MAN1C1: variants seen among roughly 807,000 people sequenced by gnomAD.
MAN1C1 encodes mannosyl-oligosaccharide 1,2-alpha-mannosidase IC.
MAN1C1 carries 49 observed loss-of-function variants against 71.5 expected under a neutral mutation model. The observed-to-expected ratio is 0.69, with a 90% confidence interval of 0.54 to 0.87. The LOEUF (loss-of-function observed/expected upper bound fraction) is 0.87, where lower values mean the gene tolerates loss of function less well. MAN1C1 is among the 40% of genes least tolerant of loss of function. MAN1C1 has a pLI of 0.00. For missense variants in MAN1C1, 743 were observed against 835.0 expected, an observed-to-expected ratio of 0.89 and a Z score of 1.36; for synonymous variants, 352 against 343.7, an observed-to-expected ratio of 1.02 and a Z score of -0.27.
intron 1 of MAN1C1, among the ~76,000 whole-genome samples, chr1:25,685,626 A>G (rs985099915): frequency 6.6e-6 from 1 of 152,248 alleles, no homozygotes; most frequent in African/African-American, 2.4e-5. Flanking sequence ...GCTGCCTTGC[A>G]TAGTAAGAAC....
intron 5 of MAN1C1, among the ~76,000 whole-genome samples, chr1:25,754,773 C>A (rs779387795): frequency 2.6e-5 from 4 of 152,180 alleles, no homozygotes; most frequent in Non-Finnish European, 2.9e-5. Flanking sequence ...CCAGCCCTTC[C>A]CTAGGTCTCT....
At position 25,751,205 on chromosome 1, in the gene MAN1C1, G is replaced by A. The variant is rs74792343; in HGVS notation, c.834+1870G>A. Among the ~76,000 whole-genome samples, 813 of 102,904 alleles carry A rather than the reference G, an allele frequency of 7.9e-3. 10 individuals carry two copies. Among genetic ancestry groups the A allele is most frequent in the African/African-American group, 0.025 (751 of 29,888 alleles). The allele number at this position is 102,904 out of a possible 152,430, so 67.5% of individuals were successfully genotyped here. ...CTTCTGTCTTATCTTCCTTCCATTCGTCTTTCCTTCCTTCCTTCCTTCCTT... is the reference window on the plus strand; with the variant it reads ...CTTCTGTCTTATCTTCCTTCCATTCATCTTTCCTTCCTTCCTTCCTTCCTT... On this transcript the variant is annotated intron_variant, in intron 4 of 11. Coordinates refer to ENST00000374332, the MANE Select transcript of MAN1C1 (RefSeq NM_020379.4).
intron 7 of MAN1C1, among the ~76,000 whole-genome samples, chr1:25,767,609 T>C (rs2047454744): frequency 1.2e-5 from 1 of 80,076 alleles, no homozygotes; most frequent in African/African-American, 5.3e-5. Flanking sequence ...TACCCTCACA[T>C]ACATCCACAC....
intron 1 of MAN1C1, among the ~76,000 whole-genome samples, chr1:25,658,244 G>A (rs755916989): frequency 1.5e-4 from 23 of 152,338 alleles, no homozygotes; most frequent in Admixed American, 7.8e-4. Context: ...GTTAAACAGC[G>A]TGCCCAGAGT....
intron 2 of MAN1C1, among the ~76,000 whole-genome samples, chr1:25,691,267 A>G (rs780346358): frequency 6.6e-6 from 1 of 152,186 alleles, no homozygotes; most frequent in Non-Finnish European, 1.5e-5. Flanking sequence ...CAATGAGCCA[A>G]GATCGCGCCA....
At chr1:25,727,668 C>A (rs1190478740) in intron 2 of MAN1C1, among the ~76,000 whole-genome samples, 1 of 152,250 alleles carries the variant, frequency 6.6e-6, no homozygotes, top group African/African-American at 2.4e-5. Flanking sequence ...GTTGCTCAGG[C>A]CTTCCCCACC....
chr1:25,742,621 G>T (rs1193522857), intron 2 of MAN1C1, among the ~76,000 whole-genome samples: 1 of 152,190 alleles, frequency 6.6e-6, no homozygotes, highest in East Asian at 1.9e-4. Flanking sequence ...GCCAGCCCTT[G>T]TCCATCAACC....
intron 1 of MAN1C1, among the ~76,000 whole-genome samples, chr1:25,679,976 T>TAC (rs1174301636): frequency 6.8e-5 from 9 of 132,372 alleles, no homozygotes; most frequent in African/African-American, 2.8e-4. Context: ...TATATATATA[T>TAC]ATACACACAC....
chr1:25,719,477 T>C (rs1029644504), intron 2 of MAN1C1, among the ~76,000 whole-genome samples: 2 of 151,868 alleles, frequency 1.3e-5, no homozygotes, highest in South Asian at 2.1e-4. Context: ...CAGGCTGGAG[T>C]GCAGTAGCAT....
chr1:25,646,919 T>C (rs1344433861), intron 1 of MAN1C1, among the ~76,000 whole-genome samples: 3 of 152,210 alleles, frequency 2.0e-5, no homozygotes, highest in Non-Finnish European at 2.9e-5. Context: ...TTCAGTTCTT[T>C]AGGGCATATA....
chr1:25,703,791 A>G (rs183679884), intron 2 of MAN1C1, among the ~76,000 whole-genome samples: 6 of 152,342 alleles, frequency 3.9e-5, no homozygotes, highest in African/African-American at 1.4e-4. Flanking sequence ...TCAAGGTATC[A>G]CAGGAGATTC....
At position 25,704,362 on chromosome 1, in the gene MAN1C1, G is replaced by A. The variant is rs1271548491; in HGVS notation, c.637+17826G>A. 2.6e-5 allele frequency among the ~76,000 whole-genome samples: 4 copies of A among 152,212 alleles called. 1 individual carries two copies. The South Asian group carries it at 8.3e-4, about 31-fold the overall frequency. ...CCTGGGGCCTGCAGTACAGATGCTG[G>A]GAATGGGCGGCCGACAGAACCAAGC... On this transcript the variant is annotated intron_variant, in intron 2 of 11. Transcript: ENST00000374332.
rs189908786 is a variant in MAN1C1 at position 25,784,410 on chromosome 1, A to G, written c.*621A>G. On this transcript the variant is annotated 3_prime_UTR_variant, in exon 12 of 12. Coordinates refer to ENST00000374332, the MANE Select transcript of MAN1C1 (RefSeq NM_020379.4). ...TATTTTCATTATTATTGTAATGGAA[A>G]AATCTGTGGACTAGAATAAAAGAGT... 4 of 152,366 alleles carry G rather than the reference A, an allele frequency of 2.6e-5. No individual in the cohort carries two copies. Among genetic ancestry groups the G allele is most frequent in the African/African-American group, 7.2e-5 (3 of 41,574 alleles). 9.4% of individuals were successfully genotyped at this position (152,366 alleles called of 1,614,324 possible). A position where few individuals can be genotyped will look rare whatever the true frequency, so the allele number is the denominator to read the frequency against.
chr1:25,755,173 G>C (rs2047269762), intron 5 of MAN1C1, among the ~76,000 whole-genome samples: 2 of 152,150 alleles, frequency 1.3e-5, no homozygotes, highest in Admixed American at 1.3e-4. Flanking sequence ...CCTGAGGAGA[G>C]GCCGTTCCCT....
chr1:25,747,551 G>A (rs1449939040), intron 3 of MAN1C1, among the ~76,000 whole-genome samples: 1 of 152,230 alleles, frequency 6.6e-6, no homozygotes, highest in East Asian at 1.9e-4. Context: ...GGCTCCGGGA[G>A]TGCCAGGTCC....
At chr1:25,690,350 T>C (rs1463630054) in intron 2 of MAN1C1, among the ~76,000 whole-genome samples, 5 of 146,134 alleles carry the variant, frequency 3.4e-5, no homozygotes, top group Non-Finnish European at 7.4e-5. Flanking sequence ...TGGAGTGCAG[T>C]AGTGCGATCT....
At chr1:25,688,927 C>A in intron 2 of MAN1C1, among the ~76,000 whole-genome samples, 1 of 152,174 alleles carries the variant, frequency 6.6e-6, no homozygotes, top group East Asian at 1.9e-4. Flanking sequence ...GTAGCCTTGG[C>A]AGGGCCCAGG....
At chr1:25,772,792 TC>T (rs1034701990) in intron 8 of MAN1C1, among the ~76,000 whole-genome samples, 4 of 152,152 alleles carry the variant, frequency 2.6e-5, no homozygotes, top group Admixed American at 6.5e-5. Context: ...GCCCTGCTGA[TC>T]ACCCTGACTT....
intron 1 of MAN1C1, among the ~76,000 whole-genome samples, chr1:25,677,846 CTTT>C (rs772618301): frequency 1.3e-4 from 13 of 98,304 alleles, no homozygotes; most frequent in African/African-American, 5.3e-4. Flanking sequence ...TAAAGACCTC[CTTT>C]TTTTTTTTTT....
Sources: allele counts gnomAD v4.1 joint callset (sites outside exome capture counted in the v4.1 genomes callset), GRCh38; gene constraint gnomAD v4.1.1; transcripts MANE v1.5; gene names NCBI Gene and HGNC (gene_info 2026-07-23, HGNC 2026-07-21).